Variants in TPO observed in about 807,000 individuals in gnomAD.
TPO encodes the protein thyroid microsomal antigen.
TPO carries 78 observed loss-of-function variants against 96.9 expected under a neutral mutation model. That is an observed-to-expected ratio of 0.81 (90% CI 0.67 to 0.97). The LOEUF is 0.97. TPO is among the 50% of genes least tolerant of loss of function. The pLI is 0.00. For synonymous variants in TPO, 547 were observed against 538.0 expected (o/e 1.02, Z -0.23); for missense variants, 1,252 against 1,274.8 (o/e 0.98, Z 0.27).
At chr2:1,443,642 G>C (rs192764250) in intron 5 of TPO, among the ~76,000 whole-genome samples, 8,937 of 107,970 alleles carry the variant, frequency 0.083, 885 homozygotes, top group African/African-American at 0.2. Context: ...GGGCAGGCTC[G>C]TTCTTGTTTG....
rs56656509 is a variant in TPO, at chr2:1,445,183, C to T, written c.483-8511C>T. On this transcript the variant is annotated intron_variant, in intron 5 of 16. Transcript: ENST00000329066. The stretch of plus-strand genomic sequence containing the variant: ...GGAAGGAAATGGGGCAGGCTCCTTC[C>T]TGTTTGTATGATCCAGTCACTGCTG... Among the ~76,000 whole-genome samples the T allele has an allele frequency of 8.6e-3, 709 of 82,638 alleles. 11 individuals are homozygous for T. The highest frequency in any genetic ancestry group is 0.032 in the African/African-American group (671 of 20,698). The allele number at this position is 82,638 out of a possible 152,430, so 54.2% of individuals were successfully genotyped here.
intron 3 of TPO, among the ~76,000 whole-genome samples, chr2:1,432,921 T>A (rs1339769366): frequency 1.3e-5 from 2 of 152,116 alleles, no homozygotes; most frequent in African/African-American, 4.8e-5. Context: ...GAGGGTGTGT[T>A]TAGCTCTCAC....
At chr2:1,532,216 CCTCCTCAAATCCCCCCA>C (rs1217807454) in intron 15 of TPO, among the ~76,000 whole-genome samples, 1,241 of 75,798 alleles carry the variant, frequency 0.016, 8 homozygotes, top group South Asian at 0.022. Context: ...CTGTGAGCAA[CCTCCTCAAATCCCCCCA>C]CTGCCTGCAA....
chr2:1,479,299 G>A (rs958286594), intron 8 of TPO, among the ~76,000 whole-genome samples: 1 of 152,194 alleles, frequency 6.6e-6, no homozygotes, highest in Non-Finnish European at 1.5e-5. Context: ...CCCTGACTGC[G>A]ACCTCCACGG....
chr2:1,506,592 G>A lies in TPO; in HGVS notation c.2518+2513G>A, dbSNP rs1416849639. Among the ~76,000 whole-genome samples, 6 of 152,166 alleles carry A rather than the reference G, an allele frequency of 3.9e-5. No homozygotes were observed. In the East Asian group the frequency reaches 1.2e-3, roughly 29 times the overall value. ...ATTGTCATTCCAACTGGTGTGAGAT[G>A]GTATCTCATTGTGGTTTTGATTTGC... On this transcript the variant is annotated intron_variant, in intron 14 of 16. Transcript: ENST00000329066.
chr2:1,405,840 A>G (rs1056671673), intron 1 of TPO, among the ~76,000 whole-genome samples: 1 of 152,256 alleles, frequency 6.6e-6, no homozygotes, highest in Non-Finnish European at 1.5e-5. Context: ...TCAAAAAGAA[A>G]TATGAGTCAT....
chr2:1,477,193 C>T lies in TPO; in HGVS notation c.927C>T (p.Ser309=), dbSNP rs1425295649. 3 of 1,609,832 alleles carry T rather than the reference C, an allele frequency of 1.9e-6. No homozygotes were observed. The highest frequency in any genetic ancestry group is 2.7e-5 in the African/African-American group (2 of 74,904). The part of the protein sequence containing the change: ...GDQGALFGNL[S]TANPRQQMNG... ...AAGGCGCGCTCTTTGGGAACCTGTC[C>T]ACGGCCAACCCGCGGCAGCAGATGA... Residue 309 remains serine, a synonymous_variant, in exon 8 of 17, where the codon TCC becomes TCT. Coordinates refer to ENST00000329066, the MANE Select transcript of TPO (RefSeq NM_001206744.2).
In TPO at chr2:1,407,721, A is replaced by T. The variant is rs1327127108; in HGVS notation, n.180+33319A>T. On this transcript the variant is annotated intron_variant and non_coding_transcript_variant, in intron 1 of 5. Transcript: ENST00000497517. Reference sequence around the variant, plus strand: ...TGAGCACAACATCCTCTTAATGATCACTAATGTTTCCATTATCCCTTGTGG... The same window carrying T: ...TGAGCACAACATCCTCTTAATGATCTCTAATGTTTCCATTATCCCTTGTGG... Among the ~76,000 whole-genome samples, 3 of 152,240 alleles carry T rather than the reference A, an allele frequency of 2.0e-5. No individual in the cohort carries two copies. The East Asian group carries it at 5.8e-4, about 29-fold the overall frequency.
chr2:1,514,905 G>A (rs1674524848), intron 14 of TPO, among the ~76,000 whole-genome samples: 1 of 152,274 alleles, frequency 6.6e-6, no homozygotes, highest in Admixed American at 6.5e-5. Flanking sequence ...CCGTTTGCTG[G>A]TGTGAGGTGG....
intron 3 of TPO, among the ~76,000 whole-genome samples, chr2:1,432,724 AGAGGCCTGCAGGTGAGGG>A (rs1193412098): frequency 2.2e-5 from 1 of 44,854 alleles, no homozygotes; most frequent in Admixed American, 3.1e-4. Flanking sequence ...CCAGGTAAGG[AGAGGCCTGCAGGTGAGGG>A]GAGGCCTGCA....
intron 15 of TPO, among the ~76,000 whole-genome samples, chr2:1,534,524 CCCACTCTGTGCAACCTCCCCAAATCCCTA>C (rs1412348502): frequency 5.2e-5 from 5 of 96,504 alleles, no homozygotes; most frequent in African/African-American, 1.5e-4. Flanking sequence ...CCAAATCCCT[CCCACTCTGTGCAACCTCCCCAAATCCCTA>C]CCACTCTGTG....
intron 10 of TPO, among the ~76,000 whole-genome samples, chr2:1,489,156 T>C (rs1671462167): frequency 6.9e-6 from 1 of 144,500 alleles, no homozygotes; most frequent in Admixed American, 6.9e-5. Context: ...GCCCAGCACA[T>C]ACCCAGCACA....
At chr2:1,512,557 C>A in intron 14 of TPO, 2 of 898,292 alleles carry the variant, frequency 2.2e-6, no homozygotes, top group Non-Finnish European at 2.7e-6. Context: ...GGGCTCCTGG[C>A]TGCCGAACCT....
intron 15 of TPO, among the ~76,000 whole-genome samples, chr2:1,530,691 C>G (rs1677919717): frequency 1.9e-5 from 2 of 104,956 alleles, no homozygotes; most frequent in Non-Finnish European, 3.9e-5. Context: ...AATCCCCCTA[C>G]TGTGTGCAAC....
intron 2 of TPO, among the ~76,000 whole-genome samples, chr2:1,418,927 C>A (rs114901449): frequency 7.8e-4 from 118 of 152,256 alleles, no homozygotes; most frequent in African/African-American, 2.7e-3. Context: ...AGGAATCAAG[C>A]GCTTAGAATT....
intron 5 of TPO, among the ~76,000 whole-genome samples, chr2:1,441,411 C>T (rs963375074): frequency 6.6e-6 from 1 of 152,180 alleles, no homozygotes; most frequent in African/African-American, 2.4e-5. Context: ...GGTGTGTGTG[C>T]ATGCACGGCA....
intron 13 of TPO, among the ~76,000 whole-genome samples, chr2:1,499,728 C>A (rs1212670679): frequency 1.3e-5 from 2 of 152,182 alleles, no homozygotes; most frequent in Non-Finnish European, 1.5e-5. Flanking sequence ...GTCTGAGACA[C>A]CCATCGGCCA....
intron 7 of TPO, among the ~76,000 whole-genome samples, chr2:1,476,622 C>A (rs993375359): frequency 1.1e-4 from 17 of 152,220 alleles, no homozygotes; most frequent in Admixed American, 3.3e-4. Flanking sequence ...TAAACCAGAC[C>A]GGGGATTCCA....
intron 3 of TPO, among the ~76,000 whole-genome samples, chr2:1,429,424 A>C (rs1664760211): frequency 6.6e-6 from 1 of 152,240 alleles, no homozygotes; most frequent in Non-Finnish European, 1.5e-5. Context: ...AAATGGCCTA[A>C]CACAGAAAAC....
Sources: gnomAD v4.1 joint callset for allele counts (sites outside exome capture counted in the v4.1 genomes callset) on GRCh38, gnomAD v4.1.1 for gene constraint, MANE v1.5 for transcripts, NCBI Gene and HGNC (gene_info 2026-07-23, HGNC 2026-07-21) for gene names.